The following RFTN2 variants were observed in gnomAD, a reference collection of about 807,000 sequenced individuals.
The protein encoded by RFTN2 is raftlin family member 2.
RFTN2 carries 34 observed loss-of-function variants against 52.7 expected under a neutral mutation model. That is an observed-to-expected ratio of 0.64 (90% CI 0.49 to 0.86). The LOEUF is 0.86. Ranked by LOEUF, RFTN2 falls within the 40% of genes least tolerant of loss-of-function variation. The pLI is 0.00. For synonymous variants in RFTN2, 203 were observed against 217.7 expected (o/e 0.93, Z 0.59); for missense variants, 536 against 600.1 (o/e 0.89, Z 1.12).
At position 197,590,635 on chromosome 2, in the gene RFTN2, T is replaced by C. The variant is rs2087690960; in HGVS notation, c.1233+5356A>G. 2.0e-5 allele frequency among the ~76,000 whole-genome samples: 3 copies of C among 152,244 alleles called. No homozygotes were observed. The East Asian group carries it at 5.8e-4, about 29-fold the overall frequency. The stretch of plus-strand genomic sequence containing the variant: ...AGTGTTATGGTTCTTAAAGGCGGCG[T>C]GTCCGGAGTTTGCTCCTTCTGGTGT... On this transcript the variant is annotated intron_variant, in intron 8 of 8. Coordinates refer to ENST00000295049, the MANE Select transcript of RFTN2 (RefSeq NM_144629.3).
At chr2:197,614,389 A>C (rs2106208910) in intron 7 of RFTN2, among the ~76,000 whole-genome samples, 1 of 152,198 alleles carries the variant, frequency 6.6e-6, no homozygotes, top group South Asian at 2.1e-4. Context: ...CCGGAAGATG[A>C]TCATCTTCCC....
chr2:197,613,543 T>C (rs552407238), intron 7 of RFTN2, among the ~76,000 whole-genome samples: 2 of 152,296 alleles, frequency 1.3e-5, no homozygotes, highest in South Asian at 4.1e-4. Context: ...GTCAACTGTA[T>C]ATAACACTTT....
intron 1 of RFTN2, among the ~76,000 whole-genome samples, chr2:197,650,983 A>G (rs183224530): frequency 2.1e-3 from 324 of 152,352 alleles, no homozygotes; most frequent in Non-Finnish European, 3.7e-3. Context: ...TCTAACAGGT[A>G]TAAGGTGATA....
intron 8 of RFTN2, among the ~76,000 whole-genome samples, chr2:197,579,259 C>T (rs2087467161): frequency 6.6e-6 from 1 of 152,116 alleles, no homozygotes; most frequent in African/African-American, 2.4e-5. Context: ...TGGTAAGCAC[C>T]ACCTTGCCTG....
chr2:197,575,566 A>T (rs979274973), intron 8 of RFTN2, among the ~76,000 whole-genome samples: 2 of 151,928 alleles, frequency 1.3e-5, no homozygotes, highest in Admixed American at 1.3e-4. Context: ...TCAGTCCAGA[A>T]TAAAGGGGAC....
intron 8 of RFTN2, among the ~76,000 whole-genome samples, chr2:197,590,945 G>A (rs536349310): frequency 3.9e-5 from 6 of 152,184 alleles, no homozygotes; most frequent in African/African-American, 1.4e-4. Flanking sequence ...GGGAAGACGA[G>A]CCCAGCAGGT....
chr2:197,653,245 T>C (rs139007126), intron 1 of RFTN2, among the ~76,000 whole-genome samples: 3 of 152,328 alleles, frequency 2.0e-5, no homozygotes, highest in Non-Finnish European at 2.9e-5. Flanking sequence ...GTAAACTGTT[T>C]TCAATTTAGG....
intron 1 of RFTN2, among the ~76,000 whole-genome samples, chr2:197,667,538 T>G (rs2089079181): frequency 6.6e-6 from 1 of 152,252 alleles, no homozygotes; most frequent in African/African-American, 2.4e-5. Flanking sequence ...TGTTGATATC[T>G]ATGCATCTGG....
chr2:197,593,813 G>A (rs929627223), intron 8 of RFTN2, among the ~76,000 whole-genome samples: 9 of 150,080 alleles, frequency 6.0e-5, no homozygotes. Flanking sequence ...CTTAACCAGG[G>A]AGTAGGAGGG....
In RFTN2 at chr2:197,592,053, C is replaced by T. The variant is rs550058818; in HGVS notation, c.1233+3938G>A. ...GCTCCTCAAGTGTGGCCAGAGTGGG[C>T]GCCCAGGCTGAGGAGGCGCGGAGAG... On this transcript the variant is annotated intron_variant, in intron 8 of 8. Transcript: ENST00000295049. Among the ~76,000 whole-genome samples the T allele has an allele frequency of 2.6e-5, 4 of 152,270 alleles. No homozygotes were observed. The East Asian group carries it at 5.8e-4, about 22-fold the overall frequency.
At chr2:197,673,857 A>G (rs2089178244) in intron 1 of RFTN2, among the ~76,000 whole-genome samples, 1 of 152,200 alleles carries the variant, frequency 6.6e-6, no homozygotes, top group South Asian at 2.1e-4. Context: ...AGAGAATCCT[A>G]AAGTACAGAT....
intron 8 of RFTN2, among the ~76,000 whole-genome samples, chr2:197,590,631 G>A (rs964411730): frequency 1.1e-4 from 17 of 152,156 alleles, no homozygotes; most frequent in African/African-American, 3.1e-4. Context: ...TCTTAAAGGC[G>A]GCGTGTCCGG....
intron 7 of RFTN2, among the ~76,000 whole-genome samples, chr2:197,605,054 G>C (rs1428536948): frequency 6.6e-6 from 1 of 152,118 alleles, no homozygotes; most frequent in African/African-American, 2.4e-5. Flanking sequence ...ACCACACCCA[G>C]CGTGTGTTTT....
At chr2:197,588,016 C>T (rs1295365027) in intron 8 of RFTN2, 1 of 470,010 alleles carries the variant, frequency 2.1e-6, no homozygotes, top group Non-Finnish European at 4.4e-6. Context: ...ACTGTCTTAC[C>T]CACATCTGCA....
intron 5 of RFTN2, among the ~76,000 whole-genome samples, chr2:197,622,813 A>C (rs1381955559): frequency 6.6e-6 from 1 of 152,164 alleles, no homozygotes; most frequent in African/African-American, 2.4e-5. Context: ...GCCCTTAAGA[A>C]TTATGCTAAA....
intron 2 of RFTN2, among the ~76,000 whole-genome samples, chr2:197,646,076 A>G (rs1392085344): frequency 6.6e-6 from 1 of 152,180 alleles, no homozygotes; most frequent in Non-Finnish European, 1.5e-5. Flanking sequence ...TGCCACTATT[A>G]ATAAAACAAT....
chr2:197,605,410 T>A (rs887690821), intron 7 of RFTN2, among the ~76,000 whole-genome samples: 2 of 151,894 alleles, frequency 1.3e-5, no homozygotes, highest in African/African-American at 4.8e-5. Flanking sequence ...AGAGACGGGG[T>A]TTCACTGTGT....
At chr2:197,583,679 G>T (rs1016811751) in intron 8 of RFTN2, among the ~76,000 whole-genome samples, 22 of 150,066 alleles carry the variant, frequency 1.5e-4, no homozygotes, top group African/African-American at 4.2e-4. Context: ...TGCACAACAT[G>T]CAGGTTTGTT....
intron 8 of RFTN2, among the ~76,000 whole-genome samples, chr2:197,586,770 C>G (rs575533640): frequency 6.2e-4 from 95 of 152,302 alleles, no homozygotes; most frequent in Non-Finnish European, 1.1e-3. Flanking sequence ...TTTATCAGTC[C>G]TTCAGGCCCA....
Sources: gnomAD v4.1 joint callset for allele counts (sites outside exome capture counted in the v4.1 genomes callset) on GRCh38, gnomAD v4.1.1 for gene constraint, MANE v1.5 for transcripts, NCBI Gene and HGNC (gene_info 2026-07-23, HGNC 2026-07-21) for gene names.